CSMD1: variants seen among roughly 807,000 people sequenced by gnomAD.
CSMD1 encodes CUB and sushi domain-containing protein 1.
In CSMD1, 213 loss-of-function variants were observed where a neutral mutation model predicts 417.5. The observed-to-expected ratio is 0.51, with a 90% confidence interval of 0.46 to 0.57. CSMD1 has a LOEUF of 0.57. Among genes scored for constraint, CSMD1 ranks in the 20% least tolerant of loss-of-function variants. CSMD1 has a pLI of 0.00. For synonymous variants in CSMD1, 2,862 were observed against 1,736.8 expected, an observed-to-expected ratio of 1.65 and a Z score of -16.11; for missense variants, 6,923 against 4,529.7, an observed-to-expected ratio of 1.53 and a Z score of -15.17.
At chr8:3,778,505 C>A (rs1464316293) in intron 5 of CSMD1, among the ~76,000 whole-genome samples, 2 of 152,210 alleles carry the variant, frequency 1.3e-5, no homozygotes, top group African/African-American at 4.8e-5. Context: ...TGCCCCCATC[C>A]CTACCTTCTA....
At chr8:4,120,179 A>G (rs887513414) in intron 3 of CSMD1, among the ~76,000 whole-genome samples, 1 of 152,260 alleles carries the variant, frequency 6.6e-6, no homozygotes, top group Admixed American at 6.5e-5. Context: ...ATAAATATAT[A>G]CACCTATTGT....
chr8:4,692,828 G>A (rs1806857598), intron 1 of CSMD1, among the ~76,000 whole-genome samples: 1 of 152,272 alleles, frequency 6.6e-6, no homozygotes, highest in Non-Finnish European at 1.5e-5. Context: ...TACCATAGCA[G>A]TCATGAACTA....
chr8:4,851,446 C>A (rs1346051284), intron 1 of CSMD1, among the ~76,000 whole-genome samples: 1 of 151,744 alleles, frequency 6.6e-6, no homozygotes, highest in Non-Finnish European at 1.5e-5. Flanking sequence ...TAAATTCTTC[C>A]CTTGTCAACC....
chr8:4,499,059 G>C (rs1395105639), intron 2 of CSMD1, among the ~76,000 whole-genome samples: 1 of 152,076 alleles, frequency 6.6e-6, no homozygotes, highest in South Asian at 2.1e-4. Flanking sequence ...TAAGAATACA[G>C]CACTGATGAA....
chr8:2,973,197 A>G lies in CSMD1; in HGVS notation c.8843T>C (p.Met2948Thr). 6.2e-7 allele frequency: 1 copy of G among 1,613,820 alleles called. No homozygotes were observed. The highest frequency in any genetic ancestry group is 8.5e-7 in the Non-Finnish European group (1 of 1,179,802). The change falls in exon 57 of 70, where the codon ATG (methionine) becomes ACG (threonine). Residue 2948 changes from methionine (M) to threonine (T), a missense_variant. Coordinates refer to ENST00000635120, the MANE Select transcript of CSMD1 (RefSeq NM_033225.6). ...TKSLLRFSCE[M>T]GHQLRGSPER... Reference sequence around the variant, plus strand: ...AGGGGAGCCCCTCAGCTGGTGCCCCATTTCACAGGAGAAGCGGAGAAGACT... The same window carrying G: ...AGGGGAGCCCCTCAGCTGGTGCCCCGTTTCACAGGAGAAGCGGAGAAGACT...
chr8:3,263,489 G>A (rs779927252), intron 26 of CSMD1, among the ~76,000 whole-genome samples: 1 of 152,020 alleles, frequency 6.6e-6, no homozygotes, highest in Non-Finnish European at 1.5e-5. Context: ...AATTCAAAGA[G>A]CCTTATAATC....
intron 9 of CSMD1, among the ~76,000 whole-genome samples, chr8:3,580,154 A>G (rs2116967834): frequency 6.6e-6 from 1 of 152,318 alleles, no homozygotes; most frequent in East Asian, 1.9e-4. Flanking sequence ...TGCAGTGCTC[A>G]TCATGAGTTG....
chr8:4,198,944 A>G (rs1378419324), intron 3 of CSMD1, among the ~76,000 whole-genome samples: 1 of 135,050 alleles, frequency 7.4e-6, no homozygotes, highest in Non-Finnish European at 1.5e-5. Context: ...CCGTGTGTGT[A>G]TTTATCTTTT....
At chr8:3,628,846 T>C (rs1347053584) in intron 7 of CSMD1, among the ~76,000 whole-genome samples, 2 of 150,682 alleles carry the variant, frequency 1.3e-5, no homozygotes, top group African/African-American at 4.9e-5. Context: ...CTTAAGTGGT[T>C]CTAGTAACCC....
chr8:4,129,516 A>C (rs1384746962), intron 3 of CSMD1, among the ~76,000 whole-genome samples: 19 of 152,306 alleles, frequency 1.2e-4, no homozygotes, highest in Non-Finnish European at 1.6e-4. Flanking sequence ...ACATTTTGCC[A>C]GGGCATAGGA....
chr8:4,205,668 T>C (rs879562417), intron 3 of CSMD1, among the ~76,000 whole-genome samples: 2 of 152,002 alleles, frequency 1.3e-5, no homozygotes, highest in Admixed American at 1.3e-4. Context: ...CTGTTGTGGC[T>C]CATTTGGGAA....
chr8:3,787,871 T>C (rs1478156396), intron 5 of CSMD1, among the ~76,000 whole-genome samples: 4 of 152,208 alleles, frequency 2.6e-5, no homozygotes, highest in African/African-American at 7.2e-5. Flanking sequence ...CAAAATAGTA[T>C]AAGTATGAGA....
At chr8:4,268,728 C>T (rs1359526268) in intron 3 of CSMD1, among the ~76,000 whole-genome samples, 9 of 151,502 alleles carry the variant, frequency 5.9e-5, no homozygotes, top group Admixed American at 5.3e-4. Flanking sequence ...ACCAAATACC[C>T]CCACTTAATT....
intron 10 of CSMD1, among the ~76,000 whole-genome samples, chr8:3,505,607 G>C (rs922106768): frequency 6.6e-6 from 1 of 152,100 alleles, no homozygotes; most frequent in Non-Finnish European, 1.5e-5. Flanking sequence ...AAACCCAGAA[G>C]AACAAGCAGA....
At chr8:3,963,354 G>C (rs767724640) in intron 5 of CSMD1, among the ~76,000 whole-genome samples, 8 of 152,128 alleles carry the variant, frequency 5.3e-5, no homozygotes, top group Non-Finnish European at 8.8e-5. Context: ...AGAACGTGTG[G>C]TGTTTACTTA....
At chr8:4,172,195 C>G (rs760722870) in intron 3 of CSMD1, among the ~76,000 whole-genome samples, 2 of 151,976 alleles carry the variant, frequency 1.3e-5, no homozygotes, top group Non-Finnish European at 2.9e-5. Context: ...AAAAACTCTA[C>G]GCCATCTAAA....
intron 12 of CSMD1, among the ~76,000 whole-genome samples, chr8:3,450,466 C>T (rs993624100): frequency 1.1e-4 from 16 of 151,696 alleles, no homozygotes; most frequent in African/African-American, 3.6e-4. Context: ...CCCCCCTCCC[C>T]ACACCCCACA....
At chr8:4,433,992 CAA>C (rs1563168429) in intron 2 of CSMD1, among the ~76,000 whole-genome samples, 1 of 152,084 alleles carries the variant, frequency 6.6e-6, no homozygotes, top group Non-Finnish European at 1.5e-5. Context: ...TCTTCAGCCT[CAA>C]GATTAACAGC....
At chr8:3,293,165 C>T (rs1290378351) in intron 25 of CSMD1, among the ~76,000 whole-genome samples, 2 of 152,138 alleles carry the variant, frequency 1.3e-5, no homozygotes, top group African/African-American at 4.8e-5. Context: ...CCACTCTCTT[C>T]TGGCTTGTAG....
Sources: gnomAD v4.1 joint callset for allele counts (sites outside exome capture counted in the v4.1 genomes callset) on GRCh38, gnomAD v4.1.1 for gene constraint, MANE v1.5 for transcripts, NCBI Gene and HGNC (gene_info 2026-07-23, HGNC 2026-07-21) for gene names.